Variants in PKHD1L1 observed in about 807,000 individuals in gnomAD.
PKHD1L1 encodes fibrocystin-L.
A neutral mutation model predicts 462.9 loss-of-function variants in PKHD1L1; 434 were observed. The ratio of observed to expected loss-of-function variants is 0.94; its 90% CI spans 0.87 to 1.02. PKHD1L1 has a LOEUF of 1.02. Among genes scored for constraint, PKHD1L1 ranks in the 50% least tolerant of loss-of-function variants. The probability of loss-of-function intolerance (pLI) is 0.00; values close to 1 mark genes in which losing one functional copy is unlikely to be tolerated. For synonymous variants in PKHD1L1, 1,781 were observed against 1,750.0 expected (o/e 1.02, Z -0.44); for missense variants, 5,202 against 5,096.1 (o/e 1.02, Z -0.63).
chr8:109,449,386 A>T lies in PKHD1L1; in HGVS notation c.6074A>T (p.Asn2025Ile). The change falls in exon 40 of 78, where the codon AAT becomes ATT. Residue 2025 changes from asparagine to isoleucine, a missense_variant. By Grantham distance (149) the Asn-to-Ile change is moderately radical. Coordinates refer to ENST00000378402, the MANE Select transcript of PKHD1L1 (RefSeq NM_177531.6). ...ATGACTGTGACAGGCACCGGATTTA[A>T]TCCACAAAATTCAATTATATTAGTT... ...QTMTVTGTGFNPQNSIILVCG... is the reference protein window; with the variant it reads ...QTMTVTGTGFIPQNSIILVCG... The T allele has an allele frequency of 6.3e-7, 1 of 1,586,548 alleles. No individual in the cohort carries two copies. The highest frequency in any genetic ancestry group is 8.6e-7 in the Non-Finnish European group (1 of 1,164,926).
At position 109,537,096 on chromosome 8, in the gene PKHD1L1, ACT is replaced by A. The variant is rs1235717234; in HGVS notation, c.*7009_*7010del. Among the ~76,000 whole-genome samples, 15 of 152,208 alleles carry A rather than the reference ACT, an allele frequency of 9.9e-5. No homozygotes were observed. The highest frequency in any genetic ancestry group is 3.1e-4 in the African/African-American group (13 of 41,448). On this transcript the variant is annotated 3_prime_UTR_variant, in exon 78 of 78. Transcript: ENST00000378402. Reference sequence around the variant, plus strand: ...TCAAATGTATCTGCTCAAAGATGTCACTCTATGTGCGGCAAAGCTTTGTTTTA... The same window carrying A: ...TCAAATGTATCTGCTCAAAGATGTCACTATGTGCGGCAAAGCTTTGTTTTA...
intron 2 of PKHD1L1, among the ~76,000 whole-genome samples, chr8:109,365,102 C>CA (rs1420203400): frequency 6.6e-6 from 1 of 152,198 alleles, no homozygotes; most frequent in African/African-American, 2.4e-5. Context: ...CCTCAGGCTT[C>CA]ATAAAGGCAT....
intron 18 of PKHD1L1, among the ~76,000 whole-genome samples, chr8:109,408,916 A>C (rs1478360721): frequency 6.6e-6 from 1 of 152,196 alleles, no homozygotes; most frequent in Non-Finnish European, 1.5e-5. Context: ...AAATATTCCA[A>C]AGACAAGAGA....
intron 2 of PKHD1L1, among the ~76,000 whole-genome samples, chr8:109,365,528 C>T (rs905615900): frequency 2.0e-5 from 3 of 152,006 alleles, no homozygotes; most frequent in Admixed American, 1.3e-4. Flanking sequence ...AGTTAAGACC[C>T]ATGAACAATA....
chr8:109,398,758 C>T (rs760628322), intron 12 of PKHD1L1, among the ~76,000 whole-genome samples: 2 of 151,974 alleles, frequency 1.3e-5, no homozygotes, highest in Non-Finnish European at 2.9e-5. Context: ...AAAAACCCAG[C>T]CTAAATTATC....
In PKHD1L1 at chr8:109,479,451, A is replaced by T. The variant is rs552244943; in HGVS notation, c.9090-100A>T. ...GCGTGCATTTTTTTTCTTCTCTACC[A>T]TGTAAAATCTTATGGGGAAATGGAA... On this transcript the variant is annotated intron_variant, in intron 53 of 77. Coordinates refer to ENST00000378402, the MANE Select transcript of PKHD1L1 (RefSeq NM_177531.6). 6.5e-5 allele frequency: 52 copies of T among 798,238 alleles called. No homozygotes were observed. The African/African-American group carries it at 8.0e-4, about 12-fold the overall frequency. The allele number at this position is 798,238 out of a possible 1,614,324, so 49.4% of individuals were successfully genotyped here. A position where few individuals can be genotyped will look rare whatever the true frequency, so the allele number is the denominator to read the frequency against.
chr8:109,406,929 A>C (rs1485829156), intron 17 of PKHD1L1, among the ~76,000 whole-genome samples: 1 of 66,218 alleles, frequency 1.5e-5, no homozygotes, highest in Non-Finnish European at 3.4e-5. Flanking sequence ...CTGCAGTATT[A>C]AAAAAAAAAG....
intron 18 of PKHD1L1, among the ~76,000 whole-genome samples, chr8:109,408,971 T>C (rs1813700995): frequency 6.6e-6 from 1 of 152,144 alleles, no homozygotes; most frequent in Non-Finnish European, 1.5e-5. Context: ...GCCTAATGTA[T>C]CTCCATAGGG....
chr8:109,486,514 C>T, intron 58 of PKHD1L1, 134 bp from the exon 59 acceptor site: 1 of 650,334 alleles, frequency 1.5e-6, no homozygotes, highest in Non-Finnish European at 2.5e-6. Flanking sequence ...ATATGTTTAA[C>T]ATGTAAATGT....
chr8:109,513,608 T>G (rs989409116), intron 71 of PKHD1L1, among the ~76,000 whole-genome samples: 2 of 152,064 alleles, frequency 1.3e-5, no homozygotes, highest in Non-Finnish European at 2.9e-5. Context: ...CCAGGGTGTT[T>G]AATGTGAAGA....
chr8:109,521,015 T>A (rs1820524275), intron 73 of PKHD1L1, among the ~76,000 whole-genome samples: 2 of 152,094 alleles, frequency 1.3e-5, no homozygotes, highest in South Asian at 4.1e-4. Context: ...CCCTCAGACT[T>A]GGGAGGCCTC....
chr8:109,406,579 C>A, intron 17 of PKHD1L1, 101 bp downstream of exon 17: 1 of 1,286,170 alleles, frequency 7.8e-7, no homozygotes, highest in Non-Finnish European at 1.0e-6. Context: ...CTTGGTTAAT[C>A]TTAGGAGAAG....
chr8:109,512,744 C>T (rs201223137), intron 71 of PKHD1L1, among the ~76,000 whole-genome samples: 16 of 152,082 alleles, frequency 1.1e-4, no homozygotes, highest in Non-Finnish European at 1.6e-4. Flanking sequence ...AAGTCATTGG[C>T]AGCTTGATGG....
chr8:109,465,236 T>C lies in PKHD1L1; in HGVS notation c.8404T>C (p.Ser2802Pro). 6.2e-7 allele frequency: 1 copy of C among 1,612,046 alleles called. No homozygotes were observed. Among genetic ancestry groups the C allele is most frequent in the Non-Finnish European group, 8.5e-7 (1 of 1,178,748 alleles). Residue 2802 changes from serine to proline, a missense_variant, in exon 49 of 78, where the codon TCA becomes CCA. By Grantham distance (74) the Ser-to-Pro change is moderately conservative. Coordinates refer to ENST00000378402, the MANE Select transcript of PKHD1L1 (RefSeq NM_177531.6). The stretch of plus-strand genomic sequence containing the variant: ...AATGGTAATGATTGATGTTGATGGC[T>C]CACTTACAGGTAATGTTATTTTTTA... ...HEMVMIDVDGSLTGHKGHTVI... is the reference protein window; with the variant it reads ...HEMVMIDVDGPLTGHKGHTVI...
intron 49 of PKHD1L1, 23 bp downstream of exon 49, chr8:109,465,268 G>GA (rs1325060315): frequency 6.3e-7 from 1 of 1,592,236 alleles, no homozygotes. Context: ...TTTAATTTGT[G>GA]ATAAAAATCC....
intron 57 of PKHD1L1, among the ~76,000 whole-genome samples, chr8:109,484,279 G>A (rs1020874043): frequency 1.3e-5 from 2 of 151,794 alleles, no homozygotes; most frequent in African/African-American, 4.8e-5. Flanking sequence ...AATTAATACT[G>A]TCTGCAAATT....
At chr8:109,472,839 G>A (rs1268983397) in intron 50 of PKHD1L1, among the ~76,000 whole-genome samples, 2 of 152,090 alleles carry the variant, frequency 1.3e-5, no homozygotes, top group Non-Finnish European at 2.9e-5. Context: ...GATTGTATAT[G>A]TATGCTGAGT....
At chr8:109,425,980 T>A (rs1465466989) in intron 24 of PKHD1L1, among the ~76,000 whole-genome samples, 3 of 152,286 alleles carry the variant, frequency 2.0e-5, no homozygotes, top group Non-Finnish European at 2.9e-5. Flanking sequence ...ACATTATTTA[T>A]CAGTTGTACG....
At chr8:109,367,996 T>C (rs1811316224) in intron 2 of PKHD1L1, among the ~76,000 whole-genome samples, 1 of 152,232 alleles carries the variant, frequency 6.6e-6, no homozygotes, top group South Asian at 2.1e-4. Context: ...TTTTGAACAA[T>C]GGCATGATTG....
Sources: gnomAD v4.1 joint callset for allele counts (sites outside exome capture counted in the v4.1 genomes callset) on GRCh38, gnomAD v4.1.1 for gene constraint, MANE v1.5 for transcripts, NCBI Gene and HGNC (gene_info 2026-07-23, HGNC 2026-07-21) for gene names.